The following PMP22 variants were observed in gnomAD, a reference collection of about 807,000 sequenced individuals.
PMP22 encodes peripheral myelin protein 22.
Under a neutral mutation model 18.9 loss-of-function variants are expected in PMP22, and 2 were observed. The ratio of observed to expected loss-of-function variants is 0.11; its 90% CI spans 0.04 to 0.33. The LOEUF (loss-of-function observed/expected upper bound fraction) is 0.33. Ranked by LOEUF, PMP22 falls within the 10% of genes least tolerant of loss-of-function variation. The pLI, the probability that PMP22 is intolerant of heterozygous loss-of-function variation, is 1.00. For missense variants in PMP22, 169 were observed against 202.2 expected, an observed-to-expected ratio of 0.84 and a Z score of 1.00; for synonymous variants, 95 against 89.2, an observed-to-expected ratio of 1.07 and a Z score of -0.37.
intron 3 of PMP22, among the ~76,000 whole-genome samples, chr17:15,251,853 G>GT (rs143391316): frequency 0.018 from 2,674 of 152,046 alleles, 72 homozygotes; most frequent in African/African-American, 0.059. Context: ...TACAATTGAA[G>GT]TTTTTTTAAA....
chr17:15,234,001 T>C (rs1056052457), intron 4 of PMP22, among the ~76,000 whole-genome samples: 7 of 152,172 alleles, frequency 4.6e-5, no homozygotes, highest in African/African-American at 1.7e-4. Context: ...CGTTTTAGAA[T>C]GATCACTCTG....
chr17:15,230,652 T>C lies in PMP22; in HGVS notation c.*265A>G. 1 of 493,250 alleles carries C rather than the reference T, an allele frequency of 2.0e-6. No homozygotes were observed. Among genetic ancestry groups the C allele is most frequent in the Admixed American group, 3.3e-5 (1 of 30,536 alleles). 30.6% of individuals were successfully genotyped at this position (493,250 alleles called of 1,614,324 possible). On this transcript the variant is annotated 3_prime_UTR_variant, in exon 5 of 5. Transcript: ENST00000312280. Reference sequence around the variant, plus strand: ...ATGTAAAGTTCCTTAGCTACTTCTTTAAGGCTCAACACGAGGCTGATGGTC... The same window carrying C: ...ATGTAAAGTTCCTTAGCTACTTCTTCAAGGCTCAACACGAGGCTGATGGTC...
intron 3 of PMP22, among the ~76,000 whole-genome samples, chr17:15,242,480 T>C (rs994302913): frequency 6.6e-6 from 1 of 152,128 alleles, no homozygotes; most frequent in Non-Finnish European, 1.5e-5. Flanking sequence ...AAAGATTTGG[T>C]TTATTTGATC....
At chr17:15,250,913 G>A (rs1292644151) in intron 3 of PMP22, among the ~76,000 whole-genome samples, 2 of 152,182 alleles carry the variant, frequency 1.3e-5, no homozygotes, top group East Asian at 3.8e-4. Context: ...CTGGTCCCCA[G>A]TTTCCACTCT....
chr17:15,229,906 T>C lies in PMP22; in HGVS notation c.*1011A>G, dbSNP rs1906162578. 1 of 152,648 alleles carries C rather than the reference T, an allele frequency of 6.6e-6. No homozygotes were observed. The highest frequency in any genetic ancestry group is 2.4e-5 in the African/African-American group (1 of 41,436). The allele number at this position is 152,648 out of a possible 1,614,324, so 9.5% of individuals were successfully genotyped here. Reference sequence around the variant, plus strand: ...AAGGGCACCATATATACATCTACAGTTGGTGGCCAATACAAGTCATTGCCA... The same window carrying C: ...AAGGGCACCATATATACATCTACAGCTGGTGGCCAATACAAGTCATTGCCA... On this transcript the variant is annotated 3_prime_UTR_variant, in exon 5 of 5. Transcript: ENST00000312280.
chr17:15,235,375 T>G (rs1906709288), intron 4 of PMP22: 1 of 712,260 alleles, frequency 1.4e-6, no homozygotes, highest in Non-Finnish European at 2.6e-6. Context: ...TGATGCTGGG[T>G]GTAAGCAGTA....
At chr17:15,236,016 T>A (rs562791923) in intron 4 of PMP22, among the ~76,000 whole-genome samples, 3 of 151,664 alleles carry the variant, frequency 2.0e-5, no homozygotes, top group African/African-American at 7.3e-5. Context: ...CACCTCAGCC[T>A]CCCAAAGTGC....
chr17:15,238,734 G>A (rs1907020615), intron 4 of PMP22, among the ~76,000 whole-genome samples: 1 of 152,208 alleles, frequency 6.6e-6, no homozygotes, highest in African/African-American at 2.4e-5. Context: ...GTTGGAAGAT[G>A]TCACCCTGTG....
At chr17:15,237,388 C>T (rs920374823) in intron 4 of PMP22, among the ~76,000 whole-genome samples, 3 of 152,214 alleles carry the variant, frequency 2.0e-5, no homozygotes, top group African/African-American at 7.2e-5. Flanking sequence ...GATGAAGGTA[C>T]TGGCTATCCC....
At chr17:15,264,575 A>G (rs1297666050) in intron 1 of PMP22, among the ~76,000 whole-genome samples, 1 of 152,252 alleles carries the variant, frequency 6.6e-6, no homozygotes, top group East Asian at 1.9e-4. Flanking sequence ...AAGTGCATAT[A>G]TTGGGTGCTA....
intron 3 of PMP22, 83 bp from the exon 4 acceptor site, chr17:15,239,694 A>T: frequency 7.1e-7 from 1 of 1,409,980 alleles, no homozygotes. Context: ...CTGAAGGGCC[A>T]TGACTGCTGA....
intron 2 of PMP22, 114 bp from the exon 3 acceptor site, chr17:15,259,307 C>T (rs981878947): frequency 1.5e-5 from 12 of 803,650 alleles, no homozygotes; most frequent in African/African-American, 8.4e-5. Context: ...CTAGCCACAC[C>T]GCCCACCCCT....
In PMP22 at chr17:15,259,317, T is replaced by G; in HGVS notation, c.79-124A>C. The G allele has an allele frequency of 7.9e-6, 6 of 763,704 alleles. No individual in the cohort carries two copies. The South Asian group carries it at 8.8e-5, about 11-fold the overall frequency. The allele number at this position is 763,704 out of a possible 1,614,324, so 47.3% of individuals were successfully genotyped here. On this transcript the variant is annotated intron_variant, in intron 2 of 4. Coordinates refer to ENST00000312280, the MANE Select transcript of PMP22 (RefSeq NM_000304.4). ...TCCACCTAGCCACACCGCCCACCCC[T>G]GCATGGTAAGAGCCAACGTTTTATG...
chr17:15,245,860 A>G (rs1285219196), intron 3 of PMP22, among the ~76,000 whole-genome samples: 1 of 152,012 alleles, frequency 6.6e-6, no homozygotes, highest in African/African-American at 2.4e-5. Context: ...CAAAAAAAAA[A>G]AAATTAGCCG....
chr17:15,235,376 G>A (rs1345034752), intron 4 of PMP22: 2 of 711,300 alleles, frequency 2.8e-6, no homozygotes, highest in Non-Finnish European at 5.2e-6. Flanking sequence ...GATGCTGGGT[G>A]TAAGCAGTAA....
intron 1 of PMP22, among the ~76,000 whole-genome samples, chr17:15,263,581 G>GCACACACACACACA (rs1252164081): frequency 2.3e-5 from 2 of 87,300 alleles, no homozygotes; most frequent in African/African-American, 1.4e-4. Context: ...ACGCACGCGC[G>GCACACACACACACA]CGCACACACA....
chr17:15,236,040 G>A (rs928894437), intron 4 of PMP22, among the ~76,000 whole-genome samples: 7 of 151,250 alleles, frequency 4.6e-5, no homozygotes, highest in Admixed American at 6.6e-5. Context: ...GATTACAGGC[G>A]TGAGCCACTG....
intron 1 of PMP22, among the ~76,000 whole-genome samples, chr17:15,264,010 G>A (rs896051388): frequency 4.6e-5 from 7 of 152,266 alleles, no homozygotes; most frequent in African/African-American, 1.4e-4. Flanking sequence ...GGTGCAAAAG[G>A]AAATAGTAAT....
chr17:15,259,295 A>AGCCACACCGCCACC, intron 2 of PMP22, 102 bp from the exon 3 acceptor site: 1 of 854,618 alleles, frequency 1.2e-6, no homozygotes, highest in Non-Finnish European at 2.0e-6. Context: ...ACCCGCATCC[A>AGCCACACCGCCACC]CCTAGCCACA....
Sources: allele counts gnomAD v4.1 joint callset (sites outside exome capture counted in the v4.1 genomes callset), GRCh38; gene constraint gnomAD v4.1.1; transcripts MANE v1.5; gene names NCBI Gene and HGNC (gene_info 2026-07-23, HGNC 2026-07-21).